Variants in TTK observed in about 807,000 individuals in gnomAD.
TTK encodes dual specificity protein kinase TTK.
Under a neutral mutation model 117.3 loss-of-function variants are expected in TTK, and 59 were observed. The observed-to-expected ratio is 0.50, with a 90% CI of 0.41 to 0.62. The LOEUF is 0.62. Among genes scored for constraint, TTK ranks in the 20% least tolerant of loss-of-function variants. TTK has a pLI of 0.00. For synonymous variants in TTK, 302 were observed against 325.0 expected (o/e 0.93, Z 0.76); for missense variants, 921 against 989.4 (o/e 0.93, Z 0.93).
chr6:80,014,422 T>TA, intron 9 of TTK, 41 bp from the exon 10 acceptor site: 1 of 1,551,500 alleles, frequency 6.4e-7, no homozygotes, highest in Non-Finnish European at 8.7e-7. Flanking sequence ...TTAGTAGTAC[T>TA]ACTATTTATG....
chr6:80,027,661 T>A (rs1767641350), intron 12 of TTK, among the ~76,000 whole-genome samples: 1 of 152,200 alleles, frequency 6.6e-6, no homozygotes, highest in Non-Finnish European at 1.5e-5. Flanking sequence ...CAAACAAAGA[T>A]TTCTTGTCTG....
Position 80,022,439 on chromosome 6 carries a change from G to C in TTK, c.1224G>C (p.Gln408His), listed in dbSNP as rs188887854. The change falls in exon 11 of 22, where the codon CAG becomes CAC. Residue 408 changes from glutamine to histidine, a missense_variant. Coordinates refer to ENST00000369798, the MANE Select transcript of TTK (RefSeq NM_003318.5). ...QNPAASSNHW[Q>H]IPELARKVNT... ...CTGCTGCATCTTCAAATCACTGGCA[G>C]ATTCCGGAGTTAGCCCGAAAAGTTA... 5 of 1,613,906 alleles carry C rather than the reference G, an allele frequency of 3.1e-6. No individual in the cohort carries two copies. The African/African-American group carries it at 4.0e-5, about 13-fold the overall frequency.
At chr6:80,040,809 G>A in intron 21 of TTK, 106 bp downstream of exon 21, 2 of 890,880 alleles carry the variant, frequency 2.2e-6, no homozygotes, top group Non-Finnish European at 3.4e-6. Context: ...CATCAGATCA[G>A]TTATGAAACA....
intron 10 of TTK, among the ~76,000 whole-genome samples, chr6:80,017,519 T>C (rs1767340067): frequency 6.6e-6 from 1 of 152,186 alleles, no homozygotes; most frequent in Non-Finnish European, 1.5e-5. Context: ...GTTCAAGCAA[T>C]CTGCCCACCT....
Position 80,031,401 on chromosome 6 carries a change from T to TA in TTK, c.1522-65dup, listed in dbSNP as rs574431334. Reference sequence around the variant, plus strand: ...TTTCAAAATGGGGAGCAGTTGACTGTACCAAATGTAAGCTAGTTTCTTAGG... The same window carrying TA: ...TTTCAAAATGGGGAGCAGTTGACTGTAACCAAATGTAAGCTAGTTTCTTAGG... On this transcript the variant is annotated intron_variant, in intron 13 of 21. Transcript: ENST00000369798. The TA allele has an allele frequency of 1.6e-3, 1,456 of 920,516 alleles. 3 individuals are homozygous for TA. The highest frequency in any genetic ancestry group is 3.9e-3 in the Admixed American group (125 of 32,464). The allele number at this position is 920,516 out of a possible 1,614,324, so 57.0% of individuals were successfully genotyped here. A position where few individuals can be genotyped will look rare whatever the true frequency, so the allele number is the denominator to read the frequency against.
rs770247729 is a variant in TTK, at chr6:80,042,174, CTT to C, written c.2549_2550del (p.Phe850Ter). The C allele has an allele frequency of 6.3e-6, 10 of 1,599,434 alleles. No homozygotes were observed. The highest frequency in any genetic ancestry group is 3.4e-5 in the South Asian group (3 of 89,148). ...AGTCATAATTCTTCATCCTCCAAGACTTTTGAAAAAAAAAGGGGAAAAAAATG... is the reference window on the plus strand; with the variant it reads ...AGTCATAATTCTTCATCCTCCAAGACTTGAAAAAAAAAGGGGAAAAAAATG... On this transcript the variant is annotated frameshift_variant, in exon 22 of 22. Coordinates refer to ENST00000369798, the MANE Select transcript of TTK (RefSeq NM_003318.5). LOFTEE classifies it high-confidence loss of function.
At chr6:80,032,451 T>G (rs13194041) in intron 14 of TTK, among the ~76,000 whole-genome samples, 1,588 of 152,316 alleles carry the variant, frequency 0.01, 10 homozygotes, top group Non-Finnish European at 0.017. Flanking sequence ...TCAAATAACA[T>G]GTGTATGCTG....
chr6:80,028,066 C>A, intron 13 of TTK, 55 bp downstream of exon 13: 1 of 1,466,722 alleles, frequency 6.8e-7, no homozygotes, highest in Non-Finnish European at 9.0e-7. Flanking sequence ...CGTTTTACAG[C>A]TTTTATTTTT....
At chr6:80,021,461 G>A (rs1241557258) in intron 10 of TTK, among the ~76,000 whole-genome samples, 1 of 152,180 alleles carries the variant, frequency 6.6e-6, no homozygotes, top group Non-Finnish European at 1.5e-5. Context: ...ACTCAAGTCC[G>A]GCTCTTCACA....
intron 2 of TTK, among the ~76,000 whole-genome samples, chr6:80,006,438 A>G (rs1345360331): frequency 6.6e-6 from 1 of 152,168 alleles, no homozygotes; most frequent in African/African-American, 2.4e-5. Context: ...AACCTAGAAA[A>G]TGATAGTTTT....
chr6:80,009,681 T>C (rs1452468700), intron 4 of TTK, among the ~76,000 whole-genome samples: 1 of 152,092 alleles, frequency 6.6e-6, no homozygotes. Context: ...GTGGTAGTAA[T>C]GCACAGTGAT....
chr6:80,041,721 T>A (rs1166096982), intron 21 of TTK, among the ~76,000 whole-genome samples: 1 of 150,938 alleles, frequency 6.6e-6, no homozygotes, highest in East Asian at 1.9e-4. Flanking sequence ...ATTTATATAA[T>A]TTGTAATGTC....
At chr6:80,005,311 A>G (rs1447612431) in intron 1 of TTK, among the ~76,000 whole-genome samples, 1 of 152,182 alleles carries the variant, frequency 6.6e-6, no homozygotes, top group Non-Finnish European at 1.5e-5. Context: ...AAGGTAGCAA[A>G]TCGTGATTCT....
chr6:80,022,739 T>C (rs1283369279), intron 11 of TTK, among the ~76,000 whole-genome samples: 1 of 152,212 alleles, frequency 6.6e-6, no homozygotes, highest in Non-Finnish European at 1.5e-5. Context: ...CTTAGCCTGA[T>C]TGTGTAAATA....
Position 80,036,456 on chromosome 6 carries a change from G to A in TTK, c.1925-19G>A. On this transcript the variant is annotated intron_variant, in intron 16 of 21. Coordinates refer to ENST00000369798, the MANE Select transcript of TTK (RefSeq NM_003318.5). ...ATGTTTTGCATTGTTTAATATTACA[G>A]TGGATTTTTATTTTAAAGGCATTGT... The A allele has an allele frequency of 6.3e-7, 1 of 1,590,586 alleles. No homozygotes were observed. The highest frequency in any genetic ancestry group is 2.3e-5 in the East Asian group (1 of 43,990).
intron 5 of TTK, 78 bp downstream of exon 5, chr6:80,011,035 A>T: frequency 1.4e-6 from 2 of 1,431,052 alleles, no homozygotes; most frequent in Non-Finnish European, 1.9e-6. Context: ...ATTTATAGAA[A>T]AATATTATTT....
At position 80,026,384 on chromosome 6, in the gene TTK, CAT is replaced by C. The variant is rs767198857; in HGVS notation, c.1266_1267del (p.Thr423HisfsTer3). 1.2e-6 allele frequency: 2 copies of C among 1,611,980 alleles called. No individual in the cohort carries two copies. Among genetic ancestry groups the C allele is most frequent in the Non-Finnish European group, 8.5e-7 (1 of 1,179,238 alleles). On this transcript the variant is annotated frameshift_variant, in exon 12 of 22. Coordinates refer to ENST00000369798, the MANE Select transcript of TTK (RefSeq NM_003318.5). LOFTEE classifies it high-confidence loss of function. ...GTTCTTTATTTTGTTTTAGCAGAAA[CAT>C]ACCACTTTTGAGCAACCTGTCTTTT... ...LARKVNTEQKHTTFEQPVFSV... is the reference protein window; with the variant it reads ...LARKVNTEQKXTTFEQPVFSV...
At chr6:80,014,179 A>G (rs1327155903) in intron 9 of TTK, among the ~76,000 whole-genome samples, 2 of 152,176 alleles carry the variant, frequency 1.3e-5, no homozygotes, top group Non-Finnish European at 2.9e-5. Flanking sequence ...GTTGAATTCA[A>G]ACTTTCTAAC....
chr6:80,008,555 A>G (rs1373240333), intron 4 of TTK, 63 bp downstream of exon 4: 4 of 1,410,650 alleles, frequency 2.8e-6, no homozygotes, highest in Non-Finnish European at 3.9e-6. Context: ...CTTACTTCCT[A>G]ATATTAAATC....
Sources: gnomAD v4.1 joint callset for allele counts (sites outside exome capture counted in the v4.1 genomes callset) on GRCh38, gnomAD v4.1.1 for gene constraint, MANE v1.5 for transcripts, NCBI Gene and HGNC (gene_info 2026-07-23, HGNC 2026-07-21) for gene names.